The following GNA12 variants were observed in gnomAD, a reference collection of about 807,000 sequenced individuals.
GNA12 encodes the protein G protein subunit alpha 12.
Under a neutral mutation model 26.0 loss-of-function variants are expected in GNA12, and 9 were observed. The observed-to-expected ratio is 0.35, with a 90% confidence interval of 0.21 to 0.60. GNA12 has a LOEUF of 0.60. Among genes scored for constraint, GNA12 ranks in the 20% least tolerant of loss-of-function variants. The pLI, the probability that GNA12 is intolerant of heterozygous loss-of-function variation, is 0.78. For missense variants in GNA12, 405 were observed against 525.8 expected, an observed-to-expected ratio of 0.77 and a Z score of 2.25; for synonymous variants, 264 against 219.6, an observed-to-expected ratio of 1.20 and a Z score of -1.79.
At chr7:2,751,741 C>A (rs1177473742) in intron 2 of GNA12, among the ~76,000 whole-genome samples, 1 of 152,182 alleles carries the variant, frequency 6.6e-6, no homozygotes, top group African/African-American at 2.4e-5. Flanking sequence ...CAACTTTATG[C>A]TAACAGATTG....
At chr7:2,754,001 G>C (rs1334574395) in intron 2 of GNA12, among the ~76,000 whole-genome samples, 2 of 152,174 alleles carry the variant, frequency 1.3e-5, no homozygotes, top group East Asian at 1.9e-4. Context: ...TCAGTGACCA[G>C]AGAATCTACA....
intron 1 of GNA12, among the ~76,000 whole-genome samples, chr7:2,800,769 G>C (rs982152284): frequency 1.3e-5 from 2 of 152,152 alleles, no homozygotes; most frequent in African/African-American, 4.8e-5. Flanking sequence ...GGCAGTGGTG[G>C]ACTGGAATCT....
intron 1 of GNA12, among the ~76,000 whole-genome samples, chr7:2,820,444 C>T (rs1220347877): frequency 1.4e-5 from 2 of 142,518 alleles, no homozygotes; most frequent in Non-Finnish European, 3.0e-5. Context: ...CATGGTGGCT[C>T]ATGCCTGTAA....
chr7:2,762,722 G>A (rs1791621790), intron 2 of GNA12: 1 of 1,560,944 alleles, frequency 6.4e-7, no homozygotes, highest in Non-Finnish European at 8.7e-7. Flanking sequence ...AGGGAAGCAG[G>A]CCCCATGTCC....
chr7:2,829,675 C>T (rs1258482075), intron 1 of GNA12, among the ~76,000 whole-genome samples: 4 of 152,174 alleles, frequency 2.6e-5, no homozygotes, highest in African/African-American at 9.7e-5. Context: ...TCTCTTCTTA[C>T]CCTGTTTTTC....
chr7:2,796,092 C>T (rs1446913649), intron 1 of GNA12, among the ~76,000 whole-genome samples: 1 of 151,986 alleles, frequency 6.6e-6, no homozygotes, highest in Admixed American at 6.6e-5. Context: ...TCTCGAACTC[C>T]TGACCTCAGC....
At chr7:2,835,956 A>T (rs184964876) in intron 1 of GNA12, 301 of 503,314 alleles carry the variant, frequency 6.0e-4, no homozygotes, top group African/African-American at 5.3e-3. Flanking sequence ...AGTGGGTGTG[A>T]GCAGATTTGA....
chr7:2,801,351 G>A (rs1792804310), intron 1 of GNA12, among the ~76,000 whole-genome samples: 1 of 152,154 alleles, frequency 6.6e-6, no homozygotes, highest in Admixed American at 6.6e-5. Flanking sequence ...TGTCAAAGAC[G>A]AAGTCAGGGG....
intron 2 of GNA12, among the ~76,000 whole-genome samples, chr7:2,735,485 G>C (rs781350247): frequency 2.6e-5 from 4 of 152,150 alleles, no homozygotes; most frequent in East Asian, 1.9e-4. Context: ...TAGTACGGAC[G>C]CAAGGGGAAA....
chr7:2,766,107 T>G (rs1404468564), intron 2 of GNA12, among the ~76,000 whole-genome samples: 1 of 152,200 alleles, frequency 6.6e-6, no homozygotes, highest in Non-Finnish European at 1.5e-5. Flanking sequence ...TTGCACTAAT[T>G]AAACAACTCC....
chr7:2,762,277 G>A, intron 2 of GNA12: 1 of 239,000 alleles, frequency 4.2e-6, no homozygotes, highest in Non-Finnish European at 8.0e-6. Context: ...GTCACAGAAG[G>A]TGCACATGGC....
chr7:2,753,418 G>A (rs369224823), intron 2 of GNA12, among the ~76,000 whole-genome samples: 51 of 144,536 alleles, frequency 3.5e-4, no homozygotes, highest in African/African-American at 1.3e-3. Context: ...GATTACAGGT[G>A]TGAGCCCCTG....
At chr7:2,745,826 T>C (rs1260624643) in intron 2 of GNA12, among the ~76,000 whole-genome samples, 2 of 152,104 alleles carry the variant, frequency 1.3e-5, no homozygotes, top group African/African-American at 2.4e-5. Flanking sequence ...TGCAGGAAGA[T>C]CTACCAAGCA....
chr7:2,757,904 C>CT (rs1791378810), intron 2 of GNA12, among the ~76,000 whole-genome samples: 1 of 152,196 alleles, frequency 6.6e-6, no homozygotes, highest in Non-Finnish European at 1.5e-5. Context: ...TAGTGGTTCT[C>CT]TGACTCCTGT....
At position 2,745,214 on chromosome 7, in the gene GNA12, T is replaced by C. The variant is rs544134971; in HGVS notation, c.526-11713A>G. On this transcript the variant is annotated intron_variant, in intron 2 of 3. Coordinates refer to ENST00000275364, the MANE Select transcript of GNA12 (RefSeq NM_007353.3). ...AGAAAGGCAACTCCAAGACACATAA[T>C]TGTCAGATTCACCAAAGTTGAAATG... Among the ~76,000 whole-genome samples, 61 of 152,216 alleles carry C rather than the reference T, an allele frequency of 4.0e-4. No individual in the cohort carries two copies. In the South Asian group the frequency reaches 8.7e-3, roughly 22 times the overall value.
At chr7:2,759,575 C>T (rs774533393) in intron 2 of GNA12, among the ~76,000 whole-genome samples, 29 of 152,130 alleles carry the variant, frequency 1.9e-4, no homozygotes, top group Non-Finnish European at 3.4e-4. Context: ...GCTGGGGTGG[C>T]GGTAGTGGCT....
At chr7:2,815,015 T>TC (rs1793183749) in intron 1 of GNA12, 1 of 1,523,626 alleles carries the variant, frequency 6.6e-7, no homozygotes, top group Admixed American at 2.0e-5. Context: ...TCTCGCCCCT[T>TC]CCACCCAATC....
At chr7:2,736,361 A>T (rs982757142) in intron 2 of GNA12, among the ~76,000 whole-genome samples, 3 of 152,066 alleles carry the variant, frequency 2.0e-5, no homozygotes, top group African/African-American at 7.2e-5. Context: ...ATTAACACAA[A>T]CTTGGACTTG....
intron 2 of GNA12, among the ~76,000 whole-genome samples, chr7:2,764,380 G>A (rs1462872410): frequency 6.6e-6 from 1 of 152,062 alleles, no homozygotes; most frequent in Non-Finnish European, 1.5e-5. Context: ...CCCGCATCCA[G>A]GCAGTCTGGT....
Sources: gnomAD v4.1 joint callset for allele counts (sites outside exome capture counted in the v4.1 genomes callset) on GRCh38, gnomAD v4.1.1 for gene constraint, MANE v1.5 for transcripts, NCBI Gene and HGNC (gene_info 2026-07-23, HGNC 2026-07-21) for gene names.